Variants in NOS1 observed in about 807,000 individuals in gnomAD.
NOS1 encodes the protein NOS type I.
Under a neutral mutation model 164.5 loss-of-function variants are expected in NOS1, and 51 were observed. That is an observed-to-expected ratio of 0.31 (90% CI 0.25 to 0.39). NOS1 has a LOEUF of 0.39. Ranked by LOEUF, NOS1 falls within the 10% of genes least tolerant of loss-of-function variation. The pLI is 1.00. For missense variants in NOS1, 1,362 were observed against 1,885.6 expected (o/e 0.72, Z 5.14); for synonymous variants, 719 against 745.8 (o/e 0.96, Z 0.59).
Position 117,215,274 on chromosome 12 carries a change from A to G in NOS1, c.*35T>C. On this transcript the variant is annotated 3_prime_UTR_variant, in exon 29 of 29. Coordinates refer to ENST00000317775, the MANE Select transcript of NOS1 (RefSeq NM_000620.5). ...GGTTCAGCAGTGTCTGTCCGCGCTT[A>G]CAAAACTTGCAGCCGGCTGGGCAAG... 6.5e-7 allele frequency: 1 copy of G among 1,541,754 alleles called. No homozygotes were observed.
In NOS1 at chr12:117,256,284, G is replaced by GTTTTTTTTTTTTTTTTTTTTTTTTTT. The variant is rs57047376; in HGVS notation, c.2531+2112_2531+2113insAAAAAAAAAAAAAAAAAAAAAAAAAA. On this transcript the variant is annotated intron_variant, in intron 16 of 28. Transcript: ENST00000317775. ...CAAAGAAAATCAGAAGGGATTTTCTGTTTTTTTTTTTTGAGACGGAGTCTC... is the reference window on the plus strand; with the variant it reads ...CAAAGAAAATCAGAAGGGATTTTCTGTTTTTTTTTTTTTTTTTTTTTTTTTTTTTTTTTTTTTTGAGACGGAGTCTC... Among the ~76,000 whole-genome samples, 45 of 118,446 alleles carry GTTTTTTTTTTTTTTTTTTTTTTTTTT rather than the reference G, an allele frequency of 3.8e-4. 4 individuals carry two copies. The highest frequency in any genetic ancestry group is 9.9e-4 in the African/African-American group (26 of 26,150). The allele number at this position is 118,446 out of a possible 152,430, so 77.7% of individuals were successfully genotyped here. A position where few individuals can be genotyped will look rare whatever the true frequency, so the allele number is the denominator to read the frequency against.
At position 117,335,307 on chromosome 12, in the gene NOS1, C is replaced by A. The variant is rs1001031415; in HGVS notation, c.-420-3818G>T. ...GTGGGGGGCACCGTCTAGGGAGAGACGGCTGCTGGATAGAATTGCCTGAGA... is the reference window on the plus strand; with the variant it reads ...GTGGGGGGCACCGTCTAGGGAGAGAAGGCTGCTGGATAGAATTGCCTGAGA... On this transcript the variant is annotated intron_variant, in intron 1 of 28. Transcript: ENST00000317775. Among the ~76,000 whole-genome samples, 4 of 152,138 alleles carry A rather than the reference C, an allele frequency of 2.6e-5. No individual in the cohort carries two copies. The South Asian group carries it at 8.3e-4, about 32-fold the overall frequency.
Position 117,213,284 on chromosome 12 carries a change from GGGA to G in NOS1, c.*2022_*2024del. ...ATAAAGGATTGGAAAGAAAGCCTTT[GGGA>G]GGAAAGCTACTAGGAGCTGGAAATG... On this transcript the variant is annotated 3_prime_UTR_variant, in exon 29 of 29. Coordinates refer to ENST00000317775, the MANE Select transcript of NOS1 (RefSeq NM_000620.5). 1 of 985,520 alleles carries G rather than the reference GGGA, an allele frequency of 1.0e-6. No individual in the cohort carries two copies. Among genetic ancestry groups the G allele is most frequent in the Non-Finnish European group, 1.2e-6 (1 of 829,990 alleles). The allele number at this position is 985,520 out of a possible 1,614,324, so 61.0% of individuals were successfully genotyped here.
chr12:117,318,054 C>T (rs1874747847), intron 2 of NOS1, among the ~76,000 whole-genome samples: 1 of 152,114 alleles, frequency 6.6e-6, no homozygotes, highest in Non-Finnish European at 1.5e-5. Flanking sequence ...TGCCTATAGT[C>T]CCAACTACTG....
chr12:117,325,052 C>G (rs1875176031), intron 2 of NOS1, among the ~76,000 whole-genome samples: 1 of 152,182 alleles, frequency 6.6e-6, no homozygotes, highest in African/African-American at 2.4e-5. Context: ...AGTGATGGCT[C>G]CCACCTCAGC....
chr12:117,272,289 T>G lies in NOS1; in HGVS notation c.1839+96A>C. On this transcript the variant is annotated intron_variant, in intron 10 of 28. Coordinates refer to ENST00000317775, the MANE Select transcript of NOS1 (RefSeq NM_000620.5). The surrounding 1 kb of genome is among the most constrained non-coding windows in gnomAD (Gnocchi z 4.3). ...CAATTCTATTCTAACCCCTTCAAGT[T>G]TCCAAGCCACCAAGCTCGCCGTGGG... 7.2e-7 allele frequency: 1 copy of G among 1,396,942 alleles called. No individual in the cohort carries two copies. The allele number at this position is 1,396,942 out of a possible 1,614,324, so 86.5% of individuals were successfully genotyped here.
intron 10 of NOS1, among the ~76,000 whole-genome samples, chr12:117,269,490 C>A (rs1879415): frequency 4.7e-4 from 42 of 88,860 alleles, no homozygotes; most frequent in Non-Finnish European, 6.6e-4. Context: ...TTTTTTTAGA[C>A]AGAGTCTCAC....
chr12:117,322,277 TTTC>T (rs1874993064), intron 2 of NOS1, among the ~76,000 whole-genome samples: 1 of 118,462 alleles, frequency 8.4e-6, no homozygotes, highest in South Asian at 3.7e-4. Flanking sequence ...TCCTCTTTCC[TTTC>T]TTCCTTCCCT....
intron 16 of NOS1, chr12:117,256,083 G>T: frequency 8.9e-7 from 1 of 1,127,010 alleles, no homozygotes; most frequent in Non-Finnish European, 1.2e-6. Flanking sequence ...TGAAGGAGGG[G>T]TGAGAGGGAA....
chr12:117,208,646 A>G lies in NOS1; in HGVS notation c.*6663T>C. The G allele has an allele frequency of 8.6e-7, 1 of 1,156,270 alleles. No homozygotes were observed. The highest frequency in any genetic ancestry group is 1.8e-5 in the South Asian group (1 of 56,504). 71.6% of individuals were successfully genotyped at this position (1,156,270 alleles called of 1,614,324 possible). A position where few individuals can be genotyped will look rare whatever the true frequency, so the allele number is the denominator to read the frequency against. ...ACCCAGCTCAAGAGCACTGGATCTC[A>G]GTGAGTCTTAATCAGAACCAACACC... On this transcript the variant is annotated 3_prime_UTR_variant, in exon 29 of 29. Coordinates refer to ENST00000317775, the MANE Select transcript of NOS1 (RefSeq NM_000620.5).
At position 117,234,068 on chromosome 12, in the gene NOS1, T is replaced by C. The variant is rs1473089082; in HGVS notation, c.3235+497A>G. On this transcript the variant is annotated intron_variant, in intron 21 of 28. Coordinates refer to ENST00000317775, the MANE Select transcript of NOS1 (RefSeq NM_000620.5). This position sits in a 1 kb window ranked among gnomAD's most constrained non-coding sequence, Gnocchi z 4.3. Reference sequence around the variant, plus strand: ...GCCTTTGAAAGTTCTTCAATATGAATGTCAAGGATGGACACTTAAGCAGGC... The same window carrying C: ...GCCTTTGAAAGTTCTTCAATATGAACGTCAAGGATGGACACTTAAGCAGGC... Among the ~76,000 whole-genome samples, 1 of 152,182 alleles carries C rather than the reference T, an allele frequency of 6.6e-6. No individual in the cohort carries two copies. Among genetic ancestry groups the C allele is most frequent in the Non-Finnish European group, 1.5e-5 (1 of 68,046 alleles).
chr12:117,322,669 C>T (rs1467921912), intron 2 of NOS1, among the ~76,000 whole-genome samples: 4 of 125,232 alleles, frequency 3.2e-5, no homozygotes, highest in Non-Finnish European at 6.8e-5. Context: ...CTCCTTCCGT[C>T]CCTGCTTCCT....
intron 16 of NOS1, among the ~76,000 whole-genome samples, chr12:117,257,907 C>T (rs1344326055): frequency 4.7e-5 from 7 of 150,150 alleles, no homozygotes; most frequent in South Asian, 2.1e-4. Context: ...CAGGTTCAAG[C>T]GATTCTCCCG....
intron 13 of NOS1, 62 bp from the exon 14 acceptor site, chr12:117,260,671 T>C: frequency 3.8e-6 from 6 of 1,561,184 alleles, no homozygotes; most frequent in Non-Finnish European, 5.2e-6. Flanking sequence ...AGATGCTGGA[T>C]TGGGACTTTC....
intron 20 of NOS1, among the ~76,000 whole-genome samples, chr12:117,241,949 C>T (rs1447653762): frequency 1.3e-5 from 2 of 152,180 alleles, no homozygotes; most frequent in Admixed American, 6.5e-5. Context: ...GAAACCATCT[C>T]TTAGGAAGAA....
At position 117,212,728 on chromosome 12, in the gene NOS1, T is replaced by TA. The variant is rs1284632762; in HGVS notation, c.*2580dup. On this transcript the variant is annotated 3_prime_UTR_variant, in exon 29 of 29. Coordinates refer to ENST00000317775, the MANE Select transcript of NOS1 (RefSeq NM_000620.5). ...CCATTGCTTAATTCTATTTTGCACT[T>TA]AAACGGTTGGCTACGAGGCCTGGAT... 1.0e-5 allele frequency: 10 copies of TA among 985,482 alleles called. No homozygotes were observed. The highest frequency in any genetic ancestry group is 1.1e-5 in the Non-Finnish European group (9 of 829,942). 61.0% of individuals were successfully genotyped at this position (985,482 alleles called of 1,614,324 possible). A position where few individuals can be genotyped will look rare whatever the true frequency, so the allele number is the denominator to read the frequency against.
intron 18 of NOS1, among the ~76,000 whole-genome samples, chr12:117,244,465 C>G (rs1294369503): frequency 6.6e-6 from 1 of 152,234 alleles, no homozygotes; most frequent in Non-Finnish European, 1.5e-5. Context: ...TTTCGAGCTT[C>G]TGGCCTCAAG....
At chr12:117,235,202 G>A (rs563178714) in intron 20 of NOS1, among the ~76,000 whole-genome samples, 2 of 152,184 alleles carry the variant, frequency 1.3e-5, no homozygotes, top group African/African-American at 2.4e-5. Flanking sequence ...ACAAGTAAGG[G>A]CCACAATGCT....
At chr12:117,228,444 T>C (rs1413481785) in intron 22 of NOS1, among the ~76,000 whole-genome samples, 2 of 152,118 alleles carry the variant, frequency 1.3e-5, no homozygotes, top group African/African-American at 2.4e-5. Context: ...ACCTGTGATT[T>C]GTTGGTTGCA....
Sources: allele counts gnomAD v4.1 joint callset (sites outside exome capture counted in the v4.1 genomes callset), GRCh38; gene constraint gnomAD v4.1.1; non-coding constraint Gnocchi (gnomAD v3.1); transcripts MANE v1.5; gene names NCBI Gene and HGNC (gene_info 2026-07-23, HGNC 2026-07-21).